The following IL17RD variants were observed in gnomAD, a reference collection of about 807,000 sequenced individuals.
IL17RD encodes the protein interleukin 17 receptor D.
IL17RD carries 52 observed loss-of-function variants against 80.5 expected under a neutral mutation model. The observed-to-expected ratio is 0.65, with a 90% CI of 0.52 to 0.81. The LOEUF (loss-of-function observed/expected upper bound fraction) is 0.81. Ranked by LOEUF, IL17RD falls within the 40% of genes least tolerant of loss-of-function variation. The pLI, the probability that IL17RD is intolerant of heterozygous loss-of-function variation, is 0.00. For missense variants in IL17RD, 1,024 were observed against 955.1 expected (o/e 1.07, Z -0.95); for synonymous variants, 416 against 391.8 (o/e 1.06, Z -0.73).
intron 1 of IL17RD, among the ~76,000 whole-genome samples, chr3:57,130,687 G>T (rs1707587640): frequency 6.6e-6 from 1 of 152,104 alleles, no homozygotes; most frequent in Admixed American, 6.5e-5. Context: ...CCCGGCCCAG[G>T]GGTGACACTC....
At position 57,102,097 on chromosome 3, in the gene IL17RD, CA is replaced by C. The variant is rs869179995; in HGVS notation, c.979+381del. Among the ~76,000 whole-genome samples the C allele has an allele frequency of 5.9e-5, 9 of 152,070 alleles. No individual in the cohort carries two copies. In the South Asian group the frequency reaches 1.9e-3, roughly 32 times the overall value. On this transcript the variant is annotated intron_variant, in intron 10 of 12. Coordinates refer to ENST00000296318, the MANE Select transcript of IL17RD (RefSeq NM_017563.5). The stretch of plus-strand genomic sequence containing the variant: ...GCAACATAGTGAGACCCCATGACTA[CA>C]AAAAAAATTTTTTTTTAAAATTAGC...
chr3:57,127,931 TAAC>T (rs904402184), intron 1 of IL17RD, among the ~76,000 whole-genome samples: 2 of 152,078 alleles, frequency 1.3e-5, no homozygotes, highest in African/African-American at 4.8e-5. Context: ...TTCAAACCTT[TAAC>T]AACAACAACA....
intron 8 of IL17RD, 68 bp from the exon 9 acceptor site, chr3:57,103,213 G>C (rs1451514775): frequency 7.4e-7 from 1 of 1,344,404 alleles, no homozygotes; most frequent in African/African-American, 1.5e-5. Context: ...GGAAAAAAAT[G>C]GTAATTTCAT....
chr3:57,113,743 T>G (rs1229803528), intron 3 of IL17RD, among the ~76,000 whole-genome samples: 1 of 151,466 alleles, frequency 6.6e-6, no homozygotes, highest in Non-Finnish European at 1.5e-5. Flanking sequence ...GGGTCTCACT[T>G]TGTTGCCCAG....
intron 12 of IL17RD, among the ~76,000 whole-genome samples, 186 bp from the exon 13 acceptor site, chr3:57,096,691 A>G (rs1706682352): frequency 6.6e-6 from 1 of 152,130 alleles, no homozygotes. Flanking sequence ...CCCTTAGTTG[A>G]GGAAGGAAGA....
chr3:57,154,225 A>C (rs2060251188), intron 1 of IL17RD, among the ~76,000 whole-genome samples: 1 of 150,088 alleles, frequency 6.7e-6, no homozygotes, highest in African/African-American at 2.5e-5. Flanking sequence ...CTTCGGCCTG[A>C]GTGACAGAGT....
At chr3:57,168,177 C>G (rs1425601586), upstream of IL17RD, among the ~76,000 whole-genome samples, 1 of 152,162 alleles carries the variant, frequency 6.6e-6, no homozygotes, top group Non-Finnish European at 1.5e-5. Context: ...AGGAGCAGTA[C>G]TTAGCACTTA....
At chr3:57,112,249 G>A (rs1707116298) in intron 3 of IL17RD, among the ~76,000 whole-genome samples, 1 of 152,164 alleles carries the variant, frequency 6.6e-6, no homozygotes, top group South Asian at 2.1e-4. Flanking sequence ...AACAACCACA[G>A]AAGGAAGGTG....
chr3:57,127,794 C>T (rs1046179021), intron 1 of IL17RD, among the ~76,000 whole-genome samples: 2 of 152,096 alleles, frequency 1.3e-5, no homozygotes, highest in African/African-American at 4.8e-5. Context: ...AAACGTACAA[C>T]GGGACTAACA....
At chr3:57,141,670 C>T (rs2107526692) in intron 1 of IL17RD, among the ~76,000 whole-genome samples, 1 of 152,028 alleles carries the variant, frequency 6.6e-6, no homozygotes, top group Non-Finnish European at 1.5e-5. Flanking sequence ...ATAAACATTT[C>T]TGGGAGGAAA....
At chr3:57,101,085 C>A in intron 11 of IL17RD, 94 bp downstream of exon 11, 1 of 979,746 alleles carries the variant, frequency 1.0e-6, no homozygotes, top group Non-Finnish European at 1.5e-6. Flanking sequence ...CAGGTGTCAC[C>A]ACAGGAGGCC....
chr3:57,108,660 C>T (rs1014904962), intron 5 of IL17RD, among the ~76,000 whole-genome samples: 5 of 151,918 alleles, frequency 3.3e-5, no homozygotes, highest in African/African-American at 9.7e-5. Flanking sequence ...GGACTACAGG[C>T]GCACACCATG....
intron 1 of IL17RD, among the ~76,000 whole-genome samples, chr3:57,148,853 G>A (rs1383638599): frequency 6.6e-6 from 1 of 152,168 alleles, no homozygotes; most frequent in African/African-American, 2.4e-5. Context: ...TCTGCACTGA[G>A]CTCACCTGGC....
intron 1 of IL17RD, among the ~76,000 whole-genome samples, chr3:57,151,764 A>G (rs1424515045): frequency 6.6e-6 from 1 of 152,132 alleles, no homozygotes; most frequent in African/African-American, 2.4e-5. Context: ...GTGACAACCA[A>G]AAATGTCTCC....
intron 1 of IL17RD, among the ~76,000 whole-genome samples, chr3:57,131,866 G>A (rs1274863112): frequency 6.6e-6 from 1 of 152,220 alleles, no homozygotes; most frequent in Non-Finnish European, 1.5e-5. Flanking sequence ...TTGAATAATA[G>A]AGAGTGGTTT....
intron 1 of IL17RD, among the ~76,000 whole-genome samples, chr3:57,125,202 T>C (rs1221387577): frequency 6.6e-6 from 1 of 151,720 alleles, no homozygotes; most frequent in Non-Finnish European, 1.5e-5. Flanking sequence ...AGGTCAGGAG[T>C]TTGAGAGTAG....
At position 57,156,847 on chromosome 3, in the gene IL17RD, C is replaced by T. The variant is rs189069701; in HGVS notation, c.126+8314G>A. On this transcript the variant is annotated intron_variant, in intron 1 of 12. Coordinates refer to ENST00000296318, the MANE Select transcript of IL17RD (RefSeq NM_017563.5). ...CTTTCTGCCCAAACTGTCCCCCCAGCGCCTGGGTCCACTCACTGGTCAGGC... is the reference window on the plus strand; with the variant it reads ...CTTTCTGCCCAAACTGTCCCCCCAGTGCCTGGGTCCACTCACTGGTCAGGC... Among the ~76,000 whole-genome samples the T allele has an allele frequency of 1.6e-4, 24 of 152,244 alleles. No homozygotes were observed. The South Asian group carries it at 2.5e-3, about 16-fold the overall frequency.
intron 8 of IL17RD, 71 bp downstream of exon 8, chr3:57,104,271 A>C (rs1031541087): frequency 9.6e-7 from 1 of 1,046,856 alleles, no homozygotes; most frequent in African/African-American, 1.6e-5. Flanking sequence ...TTAGTGTTGT[A>C]AACAGTTGGA....
At chr3:57,107,775 C>A (rs1038527215) in intron 5 of IL17RD, among the ~76,000 whole-genome samples, 2 of 152,082 alleles carry the variant, frequency 1.3e-5, no homozygotes, top group Admixed American at 1.3e-4. Context: ...ATCCAACTCC[C>A]GGCAAGCCCT....
Sources: gnomAD v4.1 joint callset for allele counts (sites outside exome capture counted in the v4.1 genomes callset) on GRCh38, gnomAD v4.1.1 for gene constraint, MANE v1.5 for transcripts, NCBI Gene and HGNC (gene_info 2026-07-23, HGNC 2026-07-21) for gene names.